BEND5: variants seen among roughly 807,000 people sequenced by gnomAD.
BEND5 encodes BEN domain containing 5, also known as BEN domain-containing protein 5.
Under a neutral mutation model 43.9 loss-of-function variants are expected in BEND5, and 22 were observed. That is an observed-to-expected ratio of 0.50 (90% CI 0.36 to 0.72). The LOEUF is 0.72. Among genes scored for constraint, BEND5 ranks in the 30% least tolerant of loss-of-function variants. BEND5 has a pLI of 0.00. For missense variants in BEND5, 428 were observed against 550.6 expected (o/e 0.78, Z 2.23); for synonymous variants, 228 against 225.9 (o/e 1.01, Z -0.08).
At chr1:48,774,038 A>C (rs2148702631) in intron 1 of BEND5, among the ~76,000 whole-genome samples, 1 of 152,394 alleles carries the variant, frequency 6.6e-6, no homozygotes, top group Non-Finnish European at 1.5e-5. Context: ...GTATACTTCA[A>C]GACAGCTCTG....
intron 1 of BEND5, among the ~76,000 whole-genome samples, chr1:48,770,310 T>C (rs746032686): frequency 9.9e-5 from 15 of 152,182 alleles, no homozygotes; most frequent in Non-Finnish European, 2.1e-4. Flanking sequence ...GTAGCTGCTA[T>C]ATAGTTAAAA....
chr1:48,741,517 T>C (rs1053119082), intron 4 of BEND5, among the ~76,000 whole-genome samples: 1 of 152,214 alleles, frequency 6.6e-6, no homozygotes, highest in African/African-American at 2.4e-5. Flanking sequence ...GCCCATCAGC[T>C]TTGCCTCTGC....
At chr1:48,755,050 G>C (rs1557950564) in intron 3 of BEND5, among the ~76,000 whole-genome samples, 1 of 152,142 alleles carries the variant, frequency 6.6e-6, no homozygotes, top group South Asian at 2.1e-4. Context: ...TCTTGTGTGT[G>C]GAATGAATGA....
At chr1:48,752,676 T>TTC in intron 3 of BEND5, among the ~76,000 whole-genome samples, 1 of 152,348 alleles carries the variant, frequency 6.6e-6, no homozygotes, top group East Asian at 1.9e-4. Context: ...CAAATGATTC[T>TTC]ATATCTTGAT....
At chr1:48,760,189 G>A (rs1644180768) in intron 2 of BEND5, among the ~76,000 whole-genome samples, 1 of 152,198 alleles carries the variant, frequency 6.6e-6, no homozygotes, top group Non-Finnish European at 1.5e-5. Flanking sequence ...CCCCTCCAGA[G>A]CTTGGGGTTC....
At position 48,727,797 on chromosome 1, in the gene BEND5, C is replaced by T; in HGVS notation, c.*89G>A. On this transcript the variant is annotated 3_prime_UTR_variant, in exon 6 of 6. Coordinates refer to ENST00000371833, the MANE Select transcript of BEND5 (RefSeq NM_024603.4). ...GGATCCCTGCACACACACCACCATG[C>T]ACGGTGGGGTCTGATTTGGACGGCA... The T allele has an allele frequency of 7.7e-7, 1 of 1,291,780 alleles. No homozygotes were observed. The highest frequency in any genetic ancestry group is 1.1e-6 in the Non-Finnish European group (1 of 913,068). 80.0% of individuals were successfully genotyped at this position (1,291,780 alleles called of 1,614,324 possible). A position where few individuals can be genotyped will look rare whatever the true frequency, so the allele number is the denominator to read the frequency against.
At chr1:48,755,991 T>C (rs1643903950) in intron 3 of BEND5, among the ~76,000 whole-genome samples, 1 of 152,210 alleles carries the variant, frequency 6.6e-6, no homozygotes, top group Non-Finnish European at 1.5e-5. Flanking sequence ...AACTACTGGC[T>C]GGGGGTGCCC....
chr1:48,770,301 T>C (rs1332175394), intron 1 of BEND5, among the ~76,000 whole-genome samples: 2 of 152,302 alleles, frequency 1.3e-5, no homozygotes, highest in Admixed American at 1.3e-4. Context: ...AAGGAAAAGG[T>C]AGCTGCTATA....
intron 1 of BEND5, among the ~76,000 whole-genome samples, chr1:48,773,071 A>G (rs1376274462): frequency 6.6e-6 from 1 of 152,158 alleles, no homozygotes; most frequent in Non-Finnish European, 1.5e-5. Context: ...TGAGATGCAT[A>G]GGTGCACTGG....
intron 1 of BEND5, among the ~76,000 whole-genome samples, chr1:48,776,037 C>A (rs1032923358): frequency 6.6e-6 from 1 of 152,194 alleles, no homozygotes; most frequent in African/African-American, 2.4e-5. Context: ...ATGGCCTCCT[C>A]ATCCTGTCCA....
intron 1 of BEND5, among the ~76,000 whole-genome samples, chr1:48,763,932 T>C (rs1021581727): frequency 3.3e-5 from 5 of 152,192 alleles, no homozygotes; most frequent in Non-Finnish European, 7.3e-5. Flanking sequence ...CAGAAGTTAC[T>C]GTCATAACAT....
At chr1:48,770,437 G>C (rs142802769) in intron 1 of BEND5, among the ~76,000 whole-genome samples, 1 of 152,212 alleles carries the variant, frequency 6.6e-6, no homozygotes, top group Non-Finnish European at 1.5e-5. Flanking sequence ...GACTAGGAAG[G>C]CTGTTTCTCC....
At position 48,759,246 on chromosome 1, in the gene BEND5, C is replaced by G. The variant is rs780671877; in HGVS notation, c.399G>C (p.Lys133Asn). The G allele has an allele frequency of 6.3e-7, 1 of 1,585,492 alleles. No homozygotes were observed. Among genetic ancestry groups the G allele is most frequent in the South Asian group, 1.1e-5 (1 of 87,658 alleles). The stretch of plus-strand genomic sequence containing the variant: ...GCCGAGCCACCACTGCCTCGATGCT[C>G]TTGTGCGCCACTTCGCTCGGCTTCC... ...EGRKPSEVAH[K>N]SIEAVVARLE... The change falls in exon 3 of 6, where the codon AAG (lysine) becomes AAC (asparagine). Residue 133 changes from lysine to asparagine, a missense_variant. By Grantham distance (94) the Lys-to-Asn change is moderately conservative. This residue lies in a region of BEND5 where 243 missense variants were observed against 286.4 expected (regional missense o/e 0.85). Transcript: ENST00000371833.
intron 3 of BEND5, among the ~76,000 whole-genome samples, chr1:48,754,315 C>T (rs1652195915): frequency 6.6e-6 from 1 of 152,158 alleles, no homozygotes; most frequent in Non-Finnish European, 1.5e-5. Context: ...TCTGTGGCTG[C>T]CAACACCCGG....
At chr1:48,768,078 T>G (rs1386516169) in intron 1 of BEND5, among the ~76,000 whole-genome samples, 1 of 152,204 alleles carries the variant, frequency 6.6e-6, no homozygotes, top group Non-Finnish European at 1.5e-5. Flanking sequence ...TCAAGTCTGT[T>G]TAATACAGGC....
chr1:48,771,704 A>G (rs925313183), intron 1 of BEND5, among the ~76,000 whole-genome samples: 2 of 152,226 alleles, frequency 1.3e-5, no homozygotes, highest in African/African-American at 4.8e-5. Context: ...ATCTTTGCAT[A>G]TGAAATCGGC....
intron 1 of BEND5, among the ~76,000 whole-genome samples, chr1:48,775,596 T>C (rs888460408): frequency 1.3e-5 from 2 of 152,228 alleles, no homozygotes; most frequent in African/African-American, 4.8e-5. Flanking sequence ...GAGATGATAC[T>C]TCCCCCTTCC....
At chr1:48,774,889 ACT>A (rs1645001584) in intron 1 of BEND5, among the ~76,000 whole-genome samples, 1 of 152,074 alleles carries the variant, frequency 6.6e-6, no homozygotes, top group African/African-American at 2.4e-5. Flanking sequence ...CTTATCACTG[ACT>A]CTCTTTAACA....
At chr1:48,740,766 G>C (rs1181573311) in intron 4 of BEND5, among the ~76,000 whole-genome samples, 3 of 152,182 alleles carry the variant, frequency 2.0e-5, no homozygotes, top group Non-Finnish European at 4.4e-5. Flanking sequence ...GGAAGGGTCA[G>C]ACAAGACAGC....
Sources: allele counts gnomAD v4.1 joint callset (sites outside exome capture counted in the v4.1 genomes callset), GRCh38; gene constraint gnomAD v4.1.1; regional missense constraint gnomAD v4.1.1; transcripts MANE v1.5; gene names NCBI Gene and HGNC (gene_info 2026-07-23, HGNC 2026-07-21).